SHANK1: variants seen among roughly 807,000 people sequenced by gnomAD.
The protein encoded by SHANK1 is SH3 and multiple ankyrin repeat domains protein 1.
A neutral mutation model predicts 165.6 loss-of-function variants in SHANK1; 35 were observed. That is an observed-to-expected ratio of 0.21 (90% CI 0.16 to 0.28). The LOEUF (loss-of-function observed/expected upper bound fraction) is 0.28, where lower values mean the gene tolerates loss of function less well. Among genes scored for constraint, SHANK1 ranks in the 10% least tolerant of loss-of-function variants. The probability of loss-of-function intolerance (pLI) is 1.00; values close to 1 mark genes in which losing one functional copy is unlikely to be tolerated. For synonymous variants in SHANK1, 1,428 were observed against 1,384.8 expected, an observed-to-expected ratio of 1.03 and a Z score of -0.69; for missense variants, 2,681 against 3,036.4, an observed-to-expected ratio of 0.88 and a Z score of 2.75.
chr19:50,665,303 T>C (rs10420105), intron 23 of SHANK1, among the ~76,000 whole-genome samples: 10,853 of 151,960 alleles, frequency 0.071, 649 homozygotes, highest in African/African-American at 0.17. Flanking sequence ...CTGGCTCATG[T>C]GTGGAATCTC....
chr19:50,702,741 G>T lies in SHANK1; in HGVS notation c.1554-81C>A. On this transcript the variant is annotated intron_variant, in intron 11 of 23. Coordinates refer to ENST00000293441, the MANE Select transcript of SHANK1 (RefSeq NM_016148.5). The surrounding 1 kb of genome is among the most constrained non-coding windows in gnomAD (Gnocchi z 5.3). ...GGAGGACAGGGGTCCTTGGGTGGGGGAAGAGGACGGTGCATCAGGGGGGAG... is the reference window on the plus strand; with the variant it reads ...GGAGGACAGGGGTCCTTGGGTGGGGTAAGAGGACGGTGCATCAGGGGGGAG... 1.7e-5 allele frequency: 13 copies of T among 772,950 alleles called. No individual in the cohort carries two copies. The highest frequency in any genetic ancestry group is 2.0e-5 in the Non-Finnish European group (10 of 507,876). The allele number at this position is 772,950 out of a possible 1,614,324, so 47.9% of individuals were successfully genotyped here. A position where few individuals can be genotyped will look rare whatever the true frequency, so the allele number is the denominator to read the frequency against.
At chr19:50,669,327 G>GAGACCCTCCCCGCC in intron 22 of SHANK1, 42 bp from the exon 23 acceptor site, 1 of 1,384,244 alleles carries the variant, frequency 7.2e-7, no homozygotes, top group Non-Finnish European at 1.0e-6. Flanking sequence ...CCCTGGCGGG[G>GAGACCCTCCCCGCC]AGGGTCTCCC....
intron 8 of SHANK1, among the ~76,000 whole-genome samples, chr19:50,707,088 T>G (rs1188179523): frequency 6.6e-6 from 1 of 152,228 alleles, no homozygotes; most frequent in Admixed American, 6.5e-5. Context: ...CTTTGCTTTA[T>G]TTTTTAGTAC....
Position 50,668,567 on chromosome 19 carries a change from C to T in SHANK1, c.3393G>A (p.Ser1131=), listed in dbSNP as rs1985660535. Reference sequence around the variant, plus strand: ...GCTGCGGGGAGGCCGGGGACGTGGGCGACGGCGCGGGCGGGAGGCCGCCGC... The same window carrying T: ...GCTGCGGGGAGGCCGGGGACGTGGGTGACGGCGCGGGCGGGAGGCCGCCGC... The part of the protein sequence containing the change: ...QKGGGLPPAP[S]PTSPASPQPP... Residue 1131 remains serine, a synonymous_variant, in exon 23 of 24, where the codon TCG becomes TCA. Transcript: ENST00000293441. 4 of 1,335,674 alleles carry T rather than the reference C, an allele frequency of 3.0e-6. 1 individual carries two copies. Among genetic ancestry groups the T allele is most frequent in the Middle Eastern group, 2.9e-4 (1 of 3,486 alleles). 82.7% of individuals were successfully genotyped at this position (1,335,674 alleles called of 1,614,324 possible). A position where few individuals can be genotyped will look rare whatever the true frequency, so the allele number is the denominator to read the frequency against.
In SHANK1 at chr19:50,686,896, G is replaced by T. The variant is rs1364494378; in HGVS notation, c.2390-84C>A. ...CTCGGCCTGTGGGCGTGGCCAGCAG[G>T]TGCGGGCCAGTGGGCGTGGCGGGCG... On this transcript the variant is annotated intron_variant, in intron 19 of 23. Coordinates refer to ENST00000293441, the MANE Select transcript of SHANK1 (RefSeq NM_016148.5). This position sits in a 1 kb window ranked among gnomAD's most constrained non-coding sequence, Gnocchi z 5.7. The T allele has an allele frequency of 3.3e-6, 5 of 1,513,722 alleles. No individual in the cohort carries two copies. The African/African-American group carries it at 5.6e-5, about 17-fold the overall frequency. The allele number at this position is 1,513,722 out of a possible 1,614,324, so 93.8% of individuals were successfully genotyped here.
chr19:50,684,017 C>T (rs117120439), intron 21 of SHANK1, among the ~76,000 whole-genome samples: 2,422 of 152,306 alleles, frequency 0.016, 29 homozygotes, highest in Middle Eastern at 0.044. Context: ...GTTTCATCTT[C>T]TGTAAAATGG....
chr19:50,710,935 A>T (rs2089000634), intron 8 of SHANK1: 2 of 160,202 alleles, frequency 1.2e-5, no homozygotes, highest in South Asian at 3.5e-4. Flanking sequence ...CCTCTTTTCT[A>T]CTCCTGCTCA....
Position 50,709,910 on chromosome 19 carries a change from T to A in SHANK1, c.1077+1461A>T, listed in dbSNP as rs182016104. Among the ~76,000 whole-genome samples, 66 of 152,360 alleles carry A rather than the reference T, an allele frequency of 4.3e-4. 1 individual carries two copies. Among genetic ancestry groups the A allele is most frequent in the Admixed American group, 3.6e-3 (55 of 15,312 alleles). On this transcript the variant is annotated intron_variant, in intron 8 of 23. Coordinates refer to ENST00000293441, the MANE Select transcript of SHANK1 (RefSeq NM_016148.5). ...AACGGTACAGTTTCTGTCTCTCGAC[T>A]GGACCCTGACTGACACTGGTGATGG...
Position 50,661,062 on chromosome 19 carries a change from CAGG to C in SHANK1, c.*900_*902del, listed in dbSNP as rs2123054210. 1.3e-5 allele frequency among the ~76,000 whole-genome samples: 2 copies of C among 151,728 alleles called. No individual in the cohort carries two copies. Among genetic ancestry groups the C allele is most frequent in the South Asian group, 2.1e-4 (1 of 4,780 alleles). On this transcript the variant is annotated 3_prime_UTR_variant, in exon 24 of 24. Transcript: ENST00000293441. ...TAAGAAAATGGAGGTAAGAGTGTGT[CAGG>C]AGGGGTGCATAAGATAGCAAGTGTG...
chr19:50,662,233 G>A lies in SHANK1; in HGVS notation c.6218C>T (p.Ser2073Leu), dbSNP rs763752124. The A allele has an allele frequency of 7.5e-6, 12 of 1,610,068 alleles. No homozygotes were observed. Among genetic ancestry groups the A allele is most frequent in the Middle Eastern group, 1.6e-4 (1 of 6,072 alleles). The change falls in exon 24 of 24, where the codon TCG (serine) becomes TTG (leucine). Residue 2073 changes from serine to leucine, a missense_variant. This residue lies in a region of SHANK1 where 1,713 missense variants were observed against 1,630.2 expected (regional missense o/e 1.05). Transcript: ENST00000293441. The surrounding 1 kb of genome is among the most constrained non-coding windows in gnomAD (Gnocchi z 7.7). Reference protein sequence around the residue: ...GGLGGALSGASRSLSPTRLLS... With the variant: ...GGLGGALSGALRSLSPTRLLS... The stretch of plus-strand genomic sequence containing the variant: ...CAGGCGGGTCGGTGAGAGGGAGCGC[G>A]AGGCCCCTGACAAGGCTCCCCCGAG...
In SHANK1 at chr19:50,688,146, C is replaced by T. The variant is rs191379450; in HGVS notation, c.2173-88G>A. 95 of 1,484,738 alleles carry T rather than the reference C, an allele frequency of 6.4e-5. No homozygotes were observed. Among genetic ancestry groups the T allele is most frequent in the East Asian group, 2.5e-4 (11 of 44,190 alleles). 92.0% of individuals were successfully genotyped at this position (1,484,738 alleles called of 1,614,324 possible). On this transcript the variant is annotated intron_variant, in intron 17 of 23. Coordinates refer to ENST00000293441, the MANE Select transcript of SHANK1 (RefSeq NM_016148.5). This position sits in a 1 kb window ranked among gnomAD's most constrained non-coding sequence, Gnocchi z 6.7. The stretch of plus-strand genomic sequence containing the variant: ...GAGACCCCAAGGAGGATGCCTCCTG[C>T]GCTGCCCTGTCCATGGCCCTCTGGG...
Position 50,666,717 on chromosome 19 carries a change from G to A in SHANK1, c.5243C>T (p.Pro1748Leu), listed in dbSNP as rs1457878087. ...CTTAGAGGGAGTCATGAGCTGAGGA[G>A]GGTATGGCGGGCCGGGAGTACTGCT... ...GGSSTPGPPYPPQLMTPSKLR... is the reference protein window; with the variant it reads ...GGSSTPGPPYLPQLMTPSKLR... Residue 1748 changes from proline (P) to leucine (L), a missense_variant, in exon 23 of 24, where the codon CCT (proline) becomes CTT (leucine). By Grantham distance (98) the Pro-to-Leu change is moderately conservative (BLOSUM62 -3). This residue lies in a region of SHANK1 where 1,713 missense variants were observed against 1,630.2 expected (regional missense o/e 1.05). Coordinates refer to ENST00000293441, the MANE Select transcript of SHANK1 (RefSeq NM_016148.5). 3 of 1,575,844 alleles carry A rather than the reference G, an allele frequency of 1.9e-6. No homozygotes were observed. Among genetic ancestry groups the A allele is most frequent in the Non-Finnish European group, 2.6e-6 (3 of 1,162,662 alleles).
At chr19:50,695,322 C>T (rs1283459888) in intron 15 of SHANK1, among the ~76,000 whole-genome samples, 1 of 148,462 alleles carries the variant, frequency 6.7e-6, no homozygotes, top group African/African-American at 2.5e-5. Flanking sequence ...GCGCCGGCTT[C>T]AGCACCGCGG....
At chr19:50,712,231 C>CT in intron 6 of SHANK1, 117 bp from the exon 7 acceptor site, 1 of 1,059,658 alleles carries the variant, frequency 9.4e-7, no homozygotes, top group Admixed American at 2.8e-5. Context: ...TGGCCAATGA[C>CT]AGTCTCAGTT....
rs748803980 is a variant in SHANK1 at position 50,713,992 on chromosome 19, C to T, written c.641-43G>A. On this transcript the variant is annotated intron_variant, in intron 5 of 23. Transcript: ENST00000293441. The surrounding 1 kb of genome is among the most constrained non-coding windows in gnomAD (Gnocchi z 6.2). ...CTGGTCACATGAAGCCCCTTCTCCT[C>T]CCCTCCATCCCTTCCCATTTTCCAG... is the stretch of plus-strand genomic sequence containing the variant. 5 of 1,605,416 alleles carry T rather than the reference C, an allele frequency of 3.1e-6. No homozygotes were observed. The East Asian group carries it at 1.1e-4, about 36-fold the overall frequency.
chr19:50,667,129 C>T lies in SHANK1; in HGVS notation c.4831G>A (p.Ala1611Thr). ...PLPPVPPPAV[A>T]AAPPTLDSTA... ...GAGTCCAGGGTGGGAGGGGCTGCGGCCACAGCCGGGGGTGGCACAGGGGGT... is the reference window on the plus strand; with the variant it reads ...GAGTCCAGGGTGGGAGGGGCTGCGGTCACAGCCGGGGGTGGCACAGGGGGT... Residue 1611 changes from alanine (A) to threonine (T), a missense_variant, in exon 23 of 24, where the codon GCC (alanine) becomes ACC (threonine). This residue lies in a region of SHANK1 where 1,713 missense variants were observed against 1,630.2 expected (regional missense o/e 1.05). Transcript: ENST00000293441. This position sits in a 1 kb window ranked among gnomAD's most constrained non-coding sequence, Gnocchi z 5.7. 6.4e-7 allele frequency: 1 copy of T among 1,555,244 alleles called. No homozygotes were observed. Among genetic ancestry groups the T allele is most frequent in the Non-Finnish European group, 8.6e-7 (1 of 1,157,008 alleles).
chr19:50,680,496 C>T (rs1986141843), intron 21 of SHANK1, among the ~76,000 whole-genome samples: 1 of 152,098 alleles, frequency 6.6e-6, no homozygotes, highest in African/African-American at 2.4e-5. Context: ...GGATGGACAG[C>T]AGAGCCCTAG....
intron 8 of SHANK1, 65 bp from the exon 9 acceptor site, chr19:50,704,579 G>T: frequency 1.4e-6 from 2 of 1,403,888 alleles, no homozygotes; most frequent in Non-Finnish European, 2.0e-6. Flanking sequence ...ACCATGAGTG[G>T]ATGCAGGTTC....
intron 21 of SHANK1, among the ~76,000 whole-genome samples, chr19:50,674,174 G>A (rs1985900815): frequency 6.6e-6 from 1 of 151,802 alleles, no homozygotes; most frequent in South Asian, 2.1e-4. Context: ...TGAGGGTAGG[G>A]TAGTGACTTT....
Sources: allele counts gnomAD v4.1 joint callset (sites outside exome capture counted in the v4.1 genomes callset), GRCh38; gene constraint gnomAD v4.1.1; regional missense constraint gnomAD v4.1.1; non-coding constraint Gnocchi (gnomAD v3.1); transcripts MANE v1.5; gene names NCBI Gene and HGNC (gene_info 2026-07-23, HGNC 2026-07-21).